SUGCT: variants seen among roughly 807,000 people sequenced by gnomAD.
The protein encoded by SUGCT is succinyl-CoA:glutarate CoA-transferase.
A neutral mutation model predicts 55.0 loss-of-function variants in SUGCT; 41 were observed. The ratio of observed to expected loss-of-function variants is 0.74; its 90% CI spans 0.58 to 0.97. SUGCT has a LOEUF of 0.97. SUGCT is among the 50% of genes least tolerant of loss of function. SUGCT has a pLI of 0.00. For missense variants in SUGCT, 568 were observed against 547.8 expected, an observed-to-expected ratio of 1.04 and a Z score of -0.37; for synonymous variants, 187 against 200.4, an observed-to-expected ratio of 0.93 and a Z score of 0.56.
At chr7:40,900,226 C>T in the SUGCT span, among the ~76,000 whole-genome samples, 1 of 152,200 alleles carries the variant, frequency 6.6e-6, no homozygotes, top group African/African-American at 2.4e-5. Context: ...GAGCAAACGC[C>T]GTGGTCTTGC....
In SUGCT at chr7:40,304,098, C is replaced by T. The variant is rs182111605; in HGVS notation, c.721-12662C>T. On this transcript the variant is annotated intron_variant, in intron 8 of 13. Transcript: ENST00000335693. ...TGTTGAAGAAACAGTAACAAAAGAG[C>T]ACCAGGACATAAAGGCAATGGTAAT... 1.3e-4 allele frequency among the ~76,000 whole-genome samples: 20 copies of T among 149,510 alleles called. 1 individual carries two copies. Among genetic ancestry groups the T allele is most frequent in the Admixed American group, 5.3e-4 (8 of 15,012 alleles).
intron 6 of SUGCT, among the ~76,000 whole-genome samples, chr7:40,218,916 C>T (rs1042648893): frequency 2.0e-5 from 3 of 152,166 alleles, no homozygotes; most frequent in Non-Finnish European, 4.4e-5. Context: ...GCTGGCCACC[C>T]GAGCCAGTGG....
At chr7:40,601,781 T>G (rs1425935019) in intron 12 of SUGCT, among the ~76,000 whole-genome samples, 1 of 152,014 alleles carries the variant, frequency 6.6e-6, no homozygotes, top group Non-Finnish European at 1.5e-5. Flanking sequence ...TGTTAGTGTA[T>G]TTTATGTGTG....
chr7:40,901,086 A>G, the SUGCT span, among the ~76,000 whole-genome samples: 8 of 152,152 alleles, frequency 5.3e-5, no homozygotes, highest in Admixed American at 3.9e-4. Context: ...TCATCTTGTG[A>G]TTCATACTAT....
chr7:40,603,936 T>C (rs546828530), intron 12 of SUGCT, among the ~76,000 whole-genome samples: 1 of 152,272 alleles, frequency 6.6e-6, no homozygotes, highest in South Asian at 2.1e-4. Context: ...ATAGATAATA[T>C]CCTTAGCGCT....
intron 13 of SUGCT, among the ~76,000 whole-genome samples, chr7:40,764,039 A>C (rs1788660637): frequency 6.6e-6 from 1 of 152,178 alleles, no homozygotes; most frequent in South Asian, 2.1e-4. Flanking sequence ...CAGCAGAGGG[A>C]GGTCTTTTCA....
chr7:40,551,506 A>G lies in SUGCT; in HGVS notation c.1089+55120A>G, dbSNP rs191843468. Among the ~76,000 whole-genome samples the G allele has an allele frequency of 3.7e-3, 567 of 152,334 alleles. 5 individuals are homozygous for G. Among genetic ancestry groups the G allele is most frequent in the African/African-American group, 0.012 (515 of 41,570 alleles). ...TAAATCACAGGGAAGTATACAATCTAAAACAGACAGAAAGAGAAATAAATA... is the reference window on the plus strand; with the variant it reads ...TAAATCACAGGGAAGTATACAATCTGAAACAGACAGAAAGAGAAATAAATA... On this transcript the variant is annotated intron_variant, in intron 12 of 13. Transcript: ENST00000335693.
chr7:40,222,981 ATTTC>A (rs1274845258), intron 6 of SUGCT, among the ~76,000 whole-genome samples: 3 of 136,988 alleles, frequency 2.2e-5, no homozygotes, highest in East Asian at 4.5e-4. Context: ...TTTATTTTTC[ATTTC>A]TTTCCTTCCT....
intron 12 of SUGCT, among the ~76,000 whole-genome samples, chr7:40,599,781 T>G (rs1343963306): frequency 4.6e-5 from 7 of 152,172 alleles, no homozygotes; most frequent in African/African-American, 1.7e-4. Flanking sequence ...CTTATTTTCC[T>G]CACTCTAGCT....
intron 7 of SUGCT, among the ~76,000 whole-genome samples, chr7:40,239,689 A>T (rs1789247697): frequency 6.6e-6 from 1 of 152,174 alleles, no homozygotes. Flanking sequence ...CAACCTTATA[A>T]TTTCTCAGTC....
the SUGCT span, among the ~76,000 whole-genome samples, chr7:40,867,189 ATATT>A: frequency 8.2e-4 from 122 of 149,150 alleles, 1 homozygote; most frequent in Middle Eastern, 3.6e-3. Context: ...CCCCATATAT[ATATT>A]TATGTCTCTA....
chr7:40,743,721 T>C (rs1355354014), intron 12 of SUGCT, among the ~76,000 whole-genome samples: 2 of 152,148 alleles, frequency 1.3e-5, no homozygotes, highest in African/African-American at 4.8e-5. Flanking sequence ...GCCACACATC[T>C]TGTACCTGAT....
the SUGCT span, among the ~76,000 whole-genome samples, chr7:40,895,591 A>G: frequency 6.6e-6 from 1 of 152,320 alleles, no homozygotes; most frequent in South Asian, 2.1e-4. Context: ...GAAATAAAAA[A>G]TTATTGATTA....
intron 12 of SUGCT, among the ~76,000 whole-genome samples, chr7:40,632,381 G>T (rs1386632885): frequency 1.3e-5 from 2 of 151,722 alleles, no homozygotes; most frequent in Non-Finnish European, 2.9e-5. Context: ...CTGCCTCTGA[G>T]TCTCCTTAGG....
intron 12 of SUGCT, among the ~76,000 whole-genome samples, chr7:40,727,858 T>G (rs537026269): frequency 6.6e-6 from 1 of 152,312 alleles, no homozygotes; most frequent in African/African-American, 2.4e-5. Context: ...AATTACATTA[T>G]GCATTTTTAC....
chr7:41,038,132 G>A, the SUGCT span, among the ~76,000 whole-genome samples: 1 of 152,162 alleles, frequency 6.6e-6, no homozygotes, highest in Non-Finnish European at 1.5e-5. Context: ...GAAGTGGGCA[G>A]CTCAGGGCAC....
intron 13 of SUGCT, among the ~76,000 whole-genome samples, chr7:40,754,434 C>G (rs941437853): frequency 2.0e-5 from 3 of 152,190 alleles, no homozygotes; most frequent in Non-Finnish European, 4.4e-5. Context: ...CAAACATTCC[C>G]TCCCCTGCCC....
chr7:40,515,572 T>A (rs1253339535), intron 12 of SUGCT, among the ~76,000 whole-genome samples: 1 of 152,242 alleles, frequency 6.6e-6, no homozygotes, highest in Non-Finnish European at 1.5e-5. Flanking sequence ...ATTGAAAATG[T>A]GTACTTTTAT....
intron 13 of SUGCT, among the ~76,000 whole-genome samples, chr7:40,833,405 C>T (rs1228462742): frequency 6.6e-6 from 1 of 152,158 alleles, no homozygotes; most frequent in Admixed American, 6.5e-5. Context: ...TAACTGACTC[C>T]TGTTAAATGA....
Sources: allele counts gnomAD v4.1 joint callset (sites outside exome capture counted in the v4.1 genomes callset), GRCh38; gene constraint gnomAD v4.1.1; transcripts MANE v1.5; gene names NCBI Gene and HGNC (gene_info 2026-07-23, HGNC 2026-07-21).